Variants in LPAR6 observed in about 807,000 individuals in gnomAD.
The protein encoded by LPAR6 is lysophosphatidic acid receptor 6, also known as G-protein coupled purinergic receptor P2Y5.
Under a neutral mutation model 22.0 loss-of-function variants are expected in LPAR6, and 17 were observed. The observed-to-expected ratio is 0.77, with a 90% confidence interval of 0.53 to 1.16. The LOEUF is 1.16. Among genes scored for constraint, LPAR6 ranks in the 50% most tolerant of loss-of-function variants. LPAR6 has a pLI of 0.00. For synonymous variants in LPAR6, 136 were observed against 139.8 expected (o/e 0.97, Z 0.19); for missense variants, 384 against 406.9 (o/e 0.94, Z 0.48).
chr13:48,424,095 T>C (rs1199067308), intron 1 of LPAR6: 2 of 152,690 alleles, frequency 1.3e-5, no homozygotes, highest in African/African-American at 4.8e-5. Context: ...TGGGATTCTT[T>C]TGATGCTCAT....
intron 1 of LPAR6, chr13:48,423,988 C>T (rs184760371): frequency 6.5e-6 from 1 of 152,698 alleles, no homozygotes; most frequent in Non-Finnish European, 1.5e-5. Context: ...TTATTCTAAA[C>T]TTACTTCAGT....
chr13:48,430,122 C>T (rs1330728881), upstream of LPAR6, among the ~76,000 whole-genome samples: 1 of 152,118 alleles, frequency 6.6e-6, no homozygotes, highest in East Asian at 1.9e-4. Flanking sequence ...TCACCCAAAC[C>T]AGATTATTAT....
chr13:48,419,673 AAATAGACAC>A (rs1312120006), intron 2 of LPAR6, among the ~76,000 whole-genome samples: 5 of 152,218 alleles, frequency 3.3e-5, no homozygotes, highest in African/African-American at 1.2e-4. Flanking sequence ...GAGAAGAATC[AAATAGACAC>A]AATAAAAAAA....
intron 1 of LPAR6, among the ~76,000 whole-genome samples, chr13:48,441,532 T>G (rs960462686): frequency 7.2e-5 from 11 of 152,106 alleles, no homozygotes; most frequent in Non-Finnish European, 1.5e-4. Context: ...ATTGGAAGCT[T>G]TAAGGATTAT....
chr13:48,413,828 T>A (rs141618583), upstream of LPAR6, among the ~76,000 whole-genome samples: 1 of 152,200 alleles, frequency 6.6e-6, no homozygotes, highest in Non-Finnish European at 1.5e-5. Flanking sequence ...AAATTGCATC[T>A]TTTTAAGCAA....
chr13:48,395,194 A>G (rs1315405923), intron 1 of LPAR6, among the ~76,000 whole-genome samples: 4 of 152,208 alleles, frequency 2.6e-5, no homozygotes, highest in African/African-American at 9.6e-5. Flanking sequence ...AGAAATGAAT[A>G]GCATCAACAT....
rs1204424954 is a variant in LPAR6 at position 48,411,542 on chromosome 13, T to G, written c.882A>C (p.Thr294=). The change falls in exon 1 of 1, where the codon ACA becomes ACC. Residue 294 remains threonine, a synonymous_variant. Coordinates refer to ENST00000620633, the MANE Select transcript of LPAR6 (RefSeq NM_001162498.3). ...CCFDPIVYYF[T]SDTIQNSIKM... ...TTATTGAATTCTGAATTGTGTCCGA[T>G]GTAAAGTAGTAAACTATAGGGTCAA... 6.2e-7 allele frequency: 1 copy of G among 1,613,738 alleles called. No individual in the cohort carries two copies. Among genetic ancestry groups the G allele is most frequent in the Non-Finnish European group, 8.5e-7 (1 of 1,179,860 alleles).
Position 48,412,622 on chromosome 13 carries a change from T to C in LPAR6, c.-199A>G. 1.6e-6 allele frequency: 1 copy of C among 607,320 alleles called. No individual in the cohort carries two copies. The highest frequency in any genetic ancestry group is 3.0e-6 in the Non-Finnish European group (1 of 333,748). 37.6% of individuals were successfully genotyped at this position (607,320 alleles called of 1,614,324 possible). A position where few individuals can be genotyped will look rare whatever the true frequency, so the allele number is the denominator to read the frequency against. ...TGTTGCTGTAAAATTTCCGCTGGGT[T>C]CTTCAACAGGAAAATATTTTCATTT... is the stretch of plus-strand genomic sequence containing the variant. On this transcript the variant is annotated 5_prime_UTR_variant, in exon 1 of 1. Transcript: ENST00000620633.
intron 1 of LPAR6, among the ~76,000 whole-genome samples, chr13:48,391,208 G>A (rs1022512333): frequency 1.3e-5 from 2 of 152,034 alleles, no homozygotes; most frequent in Admixed American, 1.3e-4. Context: ...TTCACATACA[G>A]TATAAGAATC....
intron 1 of LPAR6, among the ~76,000 whole-genome samples, chr13:48,390,292 G>A (rs1948601068): frequency 6.6e-6 from 1 of 152,208 alleles, no homozygotes; most frequent in Non-Finnish European, 1.5e-5. Context: ...GTAACAATGA[G>A]AATGAAAGTG....
intron 1 of LPAR6, among the ~76,000 whole-genome samples, chr13:48,393,665 T>G (rs535520581): frequency 2.0e-5 from 3 of 152,324 alleles, no homozygotes; most frequent in Non-Finnish European, 4.4e-5. Context: ...TCATTTCCGC[T>G]TCCTTGTGTT....
intron 1 of LPAR6, among the ~76,000 whole-genome samples, chr13:48,392,638 C>T (rs967776971): frequency 6.6e-6 from 1 of 151,808 alleles, no homozygotes; most frequent in African/African-American, 2.4e-5. Flanking sequence ...TATGTTTATG[C>T]TTTTCTTTAC....
intron 1 of LPAR6, among the ~76,000 whole-genome samples, chr13:48,437,101 C>T (rs1250460394): frequency 1.3e-5 from 2 of 152,152 alleles, no homozygotes. Context: ...CTTATAGCTT[C>T]TACTTTTTCT....
At chr13:48,428,929 A>G (rs956337800), upstream of LPAR6, among the ~76,000 whole-genome samples, 1 of 152,202 alleles carries the variant, frequency 6.6e-6, no homozygotes, top group Middle Eastern at 3.2e-3. Context: ...TCTTTTACCT[A>G]TTACTGAGGG....
At chr13:48,421,066 A>G (rs1306728277) in intron 2 of LPAR6, among the ~76,000 whole-genome samples, 1 of 152,102 alleles carries the variant, frequency 6.6e-6, no homozygotes. Context: ...AAAAAAGCCC[A>G]TATAGCCAAG....
chr13:48,393,646 T>C (rs1948627113), intron 1 of LPAR6, among the ~76,000 whole-genome samples: 1 of 152,190 alleles, frequency 6.6e-6, no homozygotes, highest in Non-Finnish European at 1.5e-5. Context: ...TTACAGAATA[T>C]TTAGGGTATC....
intron 1 of LPAR6, among the ~76,000 whole-genome samples, chr13:48,425,605 C>T (rs1949068553): frequency 6.6e-6 from 1 of 152,082 alleles, no homozygotes; most frequent in Non-Finnish European, 1.5e-5. Context: ...TGAGCCCCAC[C>T]TACTCAGGAG....
upstream of LPAR6, among the ~76,000 whole-genome samples, chr13:48,431,791 G>C (rs548313802): frequency 1.4e-4 from 22 of 152,288 alleles, no homozygotes; most frequent in East Asian, 4.2e-3. Flanking sequence ...GAAAAAGATT[G>C]CTGGATTTTT....
intron 1 of LPAR6, among the ~76,000 whole-genome samples, chr13:48,435,702 T>G (rs924593557): frequency 2.0e-5 from 3 of 152,180 alleles, no homozygotes; most frequent in Admixed American, 6.5e-5. Flanking sequence ...CCATGATCCA[T>G]TTTAAGTTTA....
Sources: gnomAD v4.1 joint callset for allele counts (sites outside exome capture counted in the v4.1 genomes callset) on GRCh38, gnomAD v4.1.1 for gene constraint, MANE v1.5 for transcripts, NCBI Gene and HGNC (gene_info 2026-07-23, HGNC 2026-07-21) for gene names.